Variants in CALCRL observed in about 807,000 individuals in gnomAD.
The protein encoded by CALCRL is calcitonin receptor like receptor, also known as calcitonin gene-related peptide type 1 receptor.
A neutral mutation model predicts 60.4 loss-of-function variants in CALCRL; 27 were observed. The observed-to-expected ratio is 0.45, with a 90% CI of 0.33 to 0.62. The LOEUF (loss-of-function observed/expected upper bound fraction) is 0.62, where lower values mean the gene tolerates loss of function less well. Among genes scored for constraint, CALCRL ranks in the 20% least tolerant of loss-of-function variants. The probability of loss-of-function intolerance (pLI) is 0.03; values close to 1 mark genes in which losing one functional copy is unlikely to be tolerated. For missense variants in CALCRL, 424 were observed against 540.7 expected, an observed-to-expected ratio of 0.78 and a Z score of 2.14; for synonymous variants, 190 against 182.6, an observed-to-expected ratio of 1.04 and a Z score of -0.33.
At chr2:187,412,206 A>G (rs991358849) in intron 1 of CALCRL, among the ~76,000 whole-genome samples, 2 of 152,016 alleles carry the variant, frequency 1.3e-5, no homozygotes, top group Non-Finnish European at 2.9e-5. Context: ...ATCTTTCCTG[A>G]TTTTCAGAAA....
chr2:187,373,789 A>G (rs1176997722), intron 8 of CALCRL, among the ~76,000 whole-genome samples: 1 of 152,204 alleles, frequency 6.6e-6, no homozygotes, highest in African/African-American at 2.4e-5. Context: ...TGAGGATTAG[A>G]AAAATGAAAG....
rs367955572 is a variant in CALCRL at position 187,409,804 on chromosome 2, T to C, written c.-292-22048A>G. ...TATTTTACTCACTTGATATCTGAAA[T>C]TTGAGTCCTCATCGACTAGGGAAAG... On this transcript the variant is annotated intron_variant, in intron 1 of 14. Coordinates refer to ENST00000392370, the MANE Select transcript of CALCRL (RefSeq NM_005795.6). Among the ~76,000 whole-genome samples the C allele has an allele frequency of 2.8e-3, 427 of 152,246 alleles. 5 individuals carry two copies. The highest frequency in any genetic ancestry group is 9.7e-3 in the African/African-American group (404 of 41,560).
intron 12 of CALCRL, among the ~76,000 whole-genome samples, chr2:187,358,847 T>C (rs190837014): frequency 6.6e-6 from 1 of 152,116 alleles, no homozygotes; most frequent in South Asian, 2.1e-4. Flanking sequence ...CCATTGTTGG[T>C]CCCTAATGGC....
At chr2:187,349,945 G>A (rs1444648730) in intron 14 of CALCRL, among the ~76,000 whole-genome samples, 1 of 151,650 alleles carries the variant, frequency 6.6e-6, no homozygotes, top group African/African-American at 2.4e-5. Context: ...GTGGGGCATG[G>A]TGCTAAAAAC....
intron 10 of CALCRL, among the ~76,000 whole-genome samples, chr2:187,359,699 G>A (rs1187040695): frequency 1.3e-5 from 2 of 152,042 alleles, no homozygotes; most frequent in East Asian, 1.9e-4. Flanking sequence ...ATTACTACTA[G>A]TAAGCCATTA....
At chr2:187,413,377 A>C (rs1337831034) in intron 1 of CALCRL, among the ~76,000 whole-genome samples, 1 of 152,146 alleles carries the variant, frequency 6.6e-6, no homozygotes, top group African/African-American at 2.4e-5. Context: ...CAGCTGTTAT[A>C]TTTTAAACCT....
chr2:187,393,514 C>G (rs1038881799), intron 1 of CALCRL, among the ~76,000 whole-genome samples: 4 of 152,030 alleles, frequency 2.6e-5, no homozygotes, highest in African/African-American at 9.7e-5. Flanking sequence ...TTAAAACATA[C>G]CATGTAATCT....
chr2:187,412,397 C>G (rs1364513835), intron 1 of CALCRL, among the ~76,000 whole-genome samples: 1 of 152,104 alleles, frequency 6.6e-6, no homozygotes, highest in East Asian at 1.9e-4. Context: ...AGCATGGGCT[C>G]CAGTCTCATT....
intron 5 of CALCRL, among the ~76,000 whole-genome samples, chr2:187,382,499 T>G (rs529650098): frequency 1.8e-4 from 28 of 152,276 alleles, no homozygotes; most frequent in Non-Finnish European, 3.2e-4. Flanking sequence ...GTGTTAAATT[T>G]TATTTTACTG....
rs774189696 is a variant in CALCRL, at chr2:187,360,635, C to T, written c.744G>A (p.Glu248=). ...HTLIVVAVFA[E]KQHLMWYYFL... The stretch of plus-strand genomic sequence containing the variant: ...AATAATACCACATTAAATGTTGCTT[C>T]TCTGCAAACACGGCCACCACAATGA... The change falls in exon 10 of 15, where the codon GAG becomes GAA. Residue 248 remains glutamate (E), a synonymous_variant. Transcript: ENST00000392370. 3.7e-6 allele frequency: 6 copies of T among 1,612,042 alleles called. No individual in the cohort carries two copies. In the African/African-American group the frequency reaches 8.0e-5, roughly 22 times the overall value.
At chr2:187,369,378 G>A (rs1687428263) in intron 8 of CALCRL, among the ~76,000 whole-genome samples, 1 of 152,074 alleles carries the variant, frequency 6.6e-6, no homozygotes, top group Non-Finnish European at 1.5e-5. Flanking sequence ...TAGCAGCCAC[G>A]ATTTTTGAAA....
chr2:187,409,207 T>C (rs966797208), intron 1 of CALCRL, among the ~76,000 whole-genome samples: 1 of 152,160 alleles, frequency 6.6e-6, no homozygotes, highest in Non-Finnish European at 1.5e-5. Flanking sequence ...ATTTTTTTTC[T>C]CCTTCCACTG....
chr2:187,362,741 C>CTA lies in CALCRL; in HGVS notation c.627+634_627+635insTA, dbSNP rs540910230. The stretch of plus-strand genomic sequence containing the variant: ...TACATTTAGATAAGTAAATTTTAAA[C>CTA]TGTTTGAAAAATATGGCCTGTAAGG... On this transcript the variant is annotated intron_variant, in intron 9 of 14. Coordinates refer to ENST00000392370, the MANE Select transcript of CALCRL (RefSeq NM_005795.6). Among the ~76,000 whole-genome samples the CTA allele has an allele frequency of 2.8e-4, 43 of 151,982 alleles. No homozygotes were observed. In the South Asian group the frequency reaches 8.1e-3, roughly 29 times the overall value.
chr2:187,366,285 G>C (rs1231858399), intron 8 of CALCRL, among the ~76,000 whole-genome samples: 8 of 146,758 alleles, frequency 5.5e-5, no homozygotes, highest in Admixed American at 3.4e-4. Flanking sequence ...ATAAATTCTA[G>C]TGTTCTATAT....
In CALCRL at chr2:187,424,047, G is replaced by T. The variant is rs566796192; in HGVS notation, c.-293+23992C>A. 1.4e-4 allele frequency among the ~76,000 whole-genome samples: 21 copies of T among 152,106 alleles called. 1 individual carries two copies. In the East Asian group the frequency reaches 4.0e-3, roughly 29 times the overall value. On this transcript the variant is annotated intron_variant, in intron 1 of 14. Coordinates refer to ENST00000392370, the MANE Select transcript of CALCRL (RefSeq NM_005795.6). ...GGTTACCCAATTTCTTTTATTTAAAGTTTAATGGATATTTGATGCCATATA... is the reference window on the plus strand; with the variant it reads ...GGTTACCCAATTTCTTTTATTTAAATTTTAATGGATATTTGATGCCATATA...
chr2:187,360,256 C>CA, intron 10 of CALCRL, among the ~76,000 whole-genome samples: 1 of 151,962 alleles, frequency 6.6e-6, no homozygotes, highest in Non-Finnish European at 1.5e-5. Context: ...TTACACGTGG[C>CA]AAAAATGAAT....
intron 12 of CALCRL, among the ~76,000 whole-genome samples, chr2:187,354,799 A>C (rs1686701115): frequency 6.6e-6 from 1 of 152,038 alleles, no homozygotes; most frequent in Non-Finnish European, 1.5e-5. Flanking sequence ...ACATGAACAG[A>C]TGTTTCCAAG....
At chr2:187,358,634 T>A (rs907491315) in intron 12 of CALCRL, among the ~76,000 whole-genome samples, 2 of 151,794 alleles carry the variant, frequency 1.3e-5, no homozygotes, top group Non-Finnish European at 2.9e-5. Flanking sequence ...ATCTGGCTAA[T>A]TGGAAAAACC....
intron 8 of CALCRL, among the ~76,000 whole-genome samples, chr2:187,367,944 A>G (rs553524992): frequency 1.3e-5 from 2 of 152,202 alleles, no homozygotes; most frequent in East Asian, 3.9e-4. Context: ...CAAAATCATT[A>G]TGCTTTATAT....
Sources: gnomAD v4.1 joint callset for allele counts (sites outside exome capture counted in the v4.1 genomes callset) on GRCh38, gnomAD v4.1.1 for gene constraint, MANE v1.5 for transcripts, NCBI Gene and HGNC (gene_info 2026-07-23, HGNC 2026-07-21) for gene names.